RAPGEF2: variants seen among roughly 807,000 people sequenced by gnomAD.
The protein encoded by RAPGEF2 is PDZ domain containing guanine nucleotide exchange factor (GEF) 1.
Under a neutral mutation model 186.7 loss-of-function variants are expected in RAPGEF2, and 54 were observed. The ratio of observed to expected loss-of-function variants is 0.29; its 90% CI spans 0.23 to 0.36. The LOEUF (loss-of-function observed/expected upper bound fraction) is 0.36, where lower values mean the gene tolerates loss of function less well. RAPGEF2 is among the 10% of genes least tolerant of loss of function. The pLI is 1.00. For synonymous variants in RAPGEF2, 712 were observed against 705.9 expected (o/e 1.01, Z -0.14); for missense variants, 1,532 against 2,045.0 (o/e 0.75, Z 4.84).
At chr4:159,123,035 T>C (rs1739888400) in intron 1 of RAPGEF2, among the ~76,000 whole-genome samples, 1 of 152,184 alleles carries the variant, frequency 6.6e-6, no homozygotes, top group Non-Finnish European at 1.5e-5. Flanking sequence ...TTCCTTATGA[T>C]TTTAATGACA....
chr4:159,345,302 C>T lies in RAPGEF2; in HGVS notation c.3475C>T (p.Leu1159=), dbSNP rs571037200. 6.2e-7 allele frequency: 1 copy of T among 1,614,134 alleles called. No individual in the cohort carries two copies. The highest frequency in any genetic ancestry group is 1.1e-5 in the South Asian group (1 of 91,084). Residue 1159 remains leucine, a synonymous_variant, in exon 24 of 30, where the codon CTG becomes TTG. Transcript: ENST00000691494. Reference sequence around the variant, plus strand: ...CGAGGAGAGTCTTCAGACATTATCTCTGCAGTGTGAGCCAGCAACCAACAC... The same window carrying T: ...CGAGGAGAGTCTTCAGACATTATCTTTGCAGTGTGAGCCAGCAACCAACAC... ...MDEESLQTLS[L]QCEPATNTLP...
At chr4:159,285,263 GGA>G (rs1243058403) in intron 7 of RAPGEF2, among the ~76,000 whole-genome samples, 7 of 152,192 alleles carry the variant, frequency 4.6e-5, no homozygotes, top group African/African-American at 1.7e-4. Flanking sequence ...CAAGTGAAGA[GGA>G]CACATAACAA....
intron 4 of RAPGEF2, among the ~76,000 whole-genome samples, chr4:159,216,279 CCT>C (rs917988485): frequency 6.6e-6 from 1 of 152,052 alleles, no homozygotes; most frequent in African/African-American, 2.4e-5. Context: ...GAAAAAATTC[CCT>C]GAGTGTCATT....
chr4:159,286,336 G>A (rs563527565), intron 7 of RAPGEF2, among the ~76,000 whole-genome samples: 2 of 152,012 alleles, frequency 1.3e-5, no homozygotes, highest in Admixed American at 6.6e-5. Flanking sequence ...AGCTACCATC[G>A]TCTCACTTGT....
chr4:159,330,651 AAAG>A, intron 13 of RAPGEF2, 153 bp downstream of exon 13: 1 of 581,896 alleles, frequency 1.7e-6, no homozygotes, highest in Non-Finnish European at 2.8e-6. Flanking sequence ...AAACAAAAAA[AAAG>A]GTGATACAAA....
At chr4:159,323,687 G>A in intron 11 of RAPGEF2, 70 bp downstream of exon 11, 1 of 896,012 alleles carries the variant, frequency 1.1e-6, no homozygotes, top group South Asian at 4.8e-5. Flanking sequence ...ATTGTGATGA[G>A]ATTTTTCTCC....
At chr4:159,206,147 G>T (rs1749964076) in intron 3 of RAPGEF2, among the ~76,000 whole-genome samples, 1 of 152,170 alleles carries the variant, frequency 6.6e-6, no homozygotes, top group Admixed American at 6.5e-5. Flanking sequence ...AGCCAGGATG[G>T]TCTCGATCTC....
At chr4:159,203,665 C>T (rs1749679552) in intron 3 of RAPGEF2, among the ~76,000 whole-genome samples, 1 of 152,008 alleles carries the variant, frequency 6.6e-6, no homozygotes, top group South Asian at 2.1e-4. Context: ...TGTGGCCTGG[C>T]CGAACAGGAT....
At chr4:159,203,614 G>T (rs1180704118) in intron 3 of RAPGEF2, among the ~76,000 whole-genome samples, 1 of 152,126 alleles carries the variant, frequency 6.6e-6, no homozygotes, top group African/African-American at 2.4e-5. Flanking sequence ...TAGACTGCAG[G>T]TTTGTTCAAA....
chr4:159,238,915 C>T (rs1579562400), intron 5 of RAPGEF2, 31 bp downstream of exon 5: 3 of 1,395,306 alleles, frequency 2.2e-6, no homozygotes, highest in Admixed American at 3.1e-5. Flanking sequence ...ACTATTTTTC[C>T]CCTAAAAAAT....
rs10021301 is a variant in RAPGEF2 at position 159,273,212 on chromosome 4, G to A, written c.543+29421G>A. Among the ~76,000 whole-genome samples the A allele has an allele frequency of 8.1e-3, 1,241 of 152,298 alleles. 13 individuals carry two copies. The highest frequency in any genetic ancestry group is 0.028 in the African/African-American group (1,170 of 41,558). On this transcript the variant is annotated intron_variant, in intron 7 of 29. Coordinates refer to ENST00000691494, the MANE Select transcript of RAPGEF2 (RefSeq NM_001394067.2). ...ATTTTCCACTGTGCTTGCTAGCAGA[G>A]GGGACTGAGAGGAAGCATATCCTGT...
Position 159,241,511 on chromosome 4 carries a change from TTTTA to T in RAPGEF2, c.525+147_525+150del, listed in dbSNP as rs1286294219. ...ACATTAAGTATACTTAAATATTTAT[TTTTA>T]TTTGTTATATTAATAAATATAAAAA... On this transcript the variant is annotated intron_variant, in intron 6 of 29. Transcript: ENST00000691494. 165 of 267,824 alleles carry T rather than the reference TTTTA, an allele frequency of 6.2e-4. 2 individuals carry two copies. The highest frequency in any genetic ancestry group is 1.8e-4 in the Non-Finnish European group (27 of 151,504). 16.6% of individuals were successfully genotyped at this position (267,824 alleles called of 1,614,324 possible).
chr4:159,286,064 A>ACCACCACCACCG, intron 7 of RAPGEF2, among the ~76,000 whole-genome samples: 1 of 92,990 alleles, frequency 1.1e-5, no homozygotes, highest in East Asian at 3.4e-4. Flanking sequence ...CACCACCACC[A>ACCACCACCACCG]CCACCACCAC....
chr4:159,323,364 A>G, intron 10 of RAPGEF2, 95 bp from the exon 11 acceptor site: 1 of 1,029,796 alleles, frequency 9.7e-7, no homozygotes, highest in Non-Finnish European at 1.4e-6. Context: ...TCCAAAATGG[A>G]AGATCTGCTA....
intron 7 of RAPGEF2, among the ~76,000 whole-genome samples, chr4:159,282,153 G>A (rs986932768): frequency 6.6e-6 from 1 of 152,108 alleles, no homozygotes; most frequent in African/African-American, 2.4e-5. Flanking sequence ...TTTCAGCTAG[G>A]ATATTTTCAT....
intron 7 of RAPGEF2, among the ~76,000 whole-genome samples, chr4:159,293,060 A>G (rs918263847): frequency 6.6e-6 from 1 of 152,164 alleles, no homozygotes; most frequent in African/African-American, 2.4e-5. Context: ...TATACTTAGC[A>G]ATGTATTATA....
At chr4:159,252,837 C>G (rs555979996) in intron 7 of RAPGEF2, among the ~76,000 whole-genome samples, 1 of 152,252 alleles carries the variant, frequency 6.6e-6, no homozygotes, top group Admixed American at 6.5e-5. Flanking sequence ...CTCTAATGAG[C>G]TTTTGTTTAT....
intron 9 of RAPGEF2, among the ~76,000 whole-genome samples, chr4:159,317,529 C>T (rs902017752): frequency 3.9e-5 from 6 of 152,198 alleles, no homozygotes; most frequent in Admixed American, 2.6e-4. Context: ...GTTTCACCCC[C>T]TGAAGACTTA....
chr4:159,210,447 T>TTTG lies in RAPGEF2; in HGVS notation c.198-41_198-39dup, dbSNP rs1021398472. 17 of 1,265,804 alleles carry TTTG rather than the reference T, an allele frequency of 1.3e-5. No individual in the cohort carries two copies. In the Admixed American group the frequency reaches 3.5e-4, roughly 26 times the overall value. 78.4% of individuals were successfully genotyped at this position (1,265,804 alleles called of 1,614,324 possible). A position where few individuals can be genotyped will look rare whatever the true frequency, so the allele number is the denominator to read the frequency against. ...CACTTTGTGCTATATGTTTTAATTT[T>TTTG]TTGTTGTTGTTGTTATAGGTAACAA... On this transcript the variant is annotated intron_variant, in intron 3 of 29. Transcript: ENST00000691494.
Sources: gnomAD v4.1 joint callset for allele counts (sites outside exome capture counted in the v4.1 genomes callset) on GRCh38, gnomAD v4.1.1 for gene constraint, MANE v1.5 for transcripts, NCBI Gene and HGNC (gene_info 2026-07-23, HGNC 2026-07-21) for gene names.